Variants in SLC22A23 observed in about 807,000 individuals in gnomAD.
SLC22A23 encodes the protein ion transporter protein.
SLC22A23 carries 26 observed loss-of-function variants against 61.0 expected under a neutral mutation model. That is an observed-to-expected ratio of 0.43 (90% confidence interval 0.31 to 0.59). The LOEUF (loss-of-function observed/expected upper bound fraction) is 0.59, where lower values mean the gene tolerates loss of function less well. Among genes scored for constraint, SLC22A23 ranks in the 20% least tolerant of loss-of-function variants. SLC22A23 has a pLI of 0.11. For missense variants in SLC22A23, 796 were observed against 934.7 expected (o/e 0.85, Z 1.94); for synonymous variants, 430 against 413.9 (o/e 1.04, Z -0.47).
intron 1 of SLC22A23, among the ~76,000 whole-genome samples, chr6:3,429,961 G>A (rs149836719): frequency 6.6e-6 from 1 of 152,306 alleles, no homozygotes; most frequent in East Asian, 1.9e-4. Flanking sequence ...AAAAATATCT[G>A]GAGATGGATG....
intron 4 of SLC22A23, among the ~76,000 whole-genome samples, chr6:3,316,863 G>A (rs533496366): frequency 6.6e-4 from 100 of 152,240 alleles, no homozygotes; most frequent in Admixed American, 1.2e-3. Context: ...ATCTTGAACT[G>A]CTGTGCTCAC....
intron 3 of SLC22A23, among the ~76,000 whole-genome samples, chr6:3,376,505 C>A (rs1430911279): frequency 1.3e-5 from 2 of 152,214 alleles, no homozygotes; most frequent in Middle Eastern, 3.4e-3. Context: ...GTCCTTCTGC[C>A]CAACTAAATA....
intron 3 of SLC22A23, among the ~76,000 whole-genome samples, chr6:3,377,081 C>A (rs148502607): frequency 5.6e-4 from 85 of 152,042 alleles, no homozygotes; most frequent in African/African-American, 1.8e-3. Flanking sequence ...CTGCAGCCTG[C>A]GGGACAAATT....
At chr6:3,276,395 C>T (rs1257810843) in intron 9 of SLC22A23, among the ~76,000 whole-genome samples, 6 of 152,132 alleles carry the variant, frequency 3.9e-5, no homozygotes, top group East Asian at 1.9e-4. Context: ...CCTGGGTCTG[C>T]GCTCCTCCCT....
At position 3,309,040 on chromosome 6, in the gene SLC22A23, C is replaced by A. The variant is rs1430783486; in HGVS notation, c.1083-10822G>T. On this transcript the variant is annotated intron_variant, in intron 4 of 9. Coordinates refer to ENST00000406686, the MANE Select transcript of SLC22A23 (RefSeq NM_015482.2). The surrounding 1 kb of genome is among the most constrained non-coding windows in gnomAD (Gnocchi z 4.7). ...TGGCTTCAATTAATCTTAAAAAGAGCCGAGGGCTGGGCGCTTTGGGAGGCT... is the reference window on the plus strand; with the variant it reads ...TGGCTTCAATTAATCTTAAAAAGAGACGAGGGCTGGGCGCTTTGGGAGGCT... 3.3e-5 allele frequency among the ~76,000 whole-genome samples: 5 copies of A among 151,878 alleles called. No homozygotes were observed. The highest frequency in any genetic ancestry group is 1.2e-4 in the African/African-American group (5 of 41,436).
At chr6:3,306,501 A>G (rs969021118) in intron 4 of SLC22A23, among the ~76,000 whole-genome samples, 2 of 152,242 alleles carry the variant, frequency 1.3e-5, no homozygotes, top group South Asian at 4.1e-4. Context: ...GGGAAAACTC[A>G]GGCAAAGAAC....
At chr6:3,444,697 G>A (rs1263442177) in intron 1 of SLC22A23, 4 of 709,470 alleles carry the variant, frequency 5.6e-6, no homozygotes, top group African/African-American at 3.9e-5. Context: ...TCTGAGCCCT[G>A]TGGCCCGGTG....
chr6:3,323,068 C>A (rs1324740932), intron 4 of SLC22A23, among the ~76,000 whole-genome samples: 4 of 147,480 alleles, frequency 2.7e-5, no homozygotes, highest in African/African-American at 5.0e-5. Flanking sequence ...TTTTAAAAAA[C>A]CCAGTTGCCC....
At chr6:3,375,298 G>T (rs1420763610) in intron 3 of SLC22A23, among the ~76,000 whole-genome samples, 2 of 152,154 alleles carry the variant, frequency 1.3e-5, no homozygotes, top group African/African-American at 4.8e-5. Flanking sequence ...ACCACCTCCT[G>T]TCAAATTATT....
At chr6:3,301,384 G>T (rs890847694) in intron 4 of SLC22A23, among the ~76,000 whole-genome samples, 4 of 152,120 alleles carry the variant, frequency 2.6e-5, no homozygotes, top group Admixed American at 2.6e-4. Flanking sequence ...ATTTCTATGA[G>T]AATTTTTGCT....
At chr6:3,351,732 T>C (rs934037675) in intron 3 of SLC22A23, among the ~76,000 whole-genome samples, 12 of 152,194 alleles carry the variant, frequency 7.9e-5, no homozygotes, top group South Asian at 2.1e-4. Flanking sequence ...GTGGGCCCTA[T>C]GGAGCCATAT....
Position 3,365,921 on chromosome 6 carries a change from T to G in SLC22A23, c.914-41919A>C, listed in dbSNP as rs984173772. 2.6e-5 allele frequency among the ~76,000 whole-genome samples: 4 copies of G among 152,234 alleles called. No homozygotes were observed. In the South Asian group the frequency reaches 8.3e-4, roughly 31 times the overall value. ...TGTTAGTTTCTTGTCTGTTCTTCAC[T>G]TAATTTCTCTCTGGCTCCTTTAATT... On this transcript the variant is annotated intron_variant, in intron 3 of 9. Transcript: ENST00000406686.
rs910419490 is a variant in SLC22A23 at position 3,329,532 on chromosome 6, G to A, written c.914-5530C>T. ...CAGAATTGTGCCCGCGGAACAAAGC[G>A]TGCCATGCAGGGTATGGGATGAGGC... is the stretch of plus-strand genomic sequence containing the variant. On this transcript the variant is annotated intron_variant, in intron 3 of 9. Coordinates refer to ENST00000406686, the MANE Select transcript of SLC22A23 (RefSeq NM_015482.2). This position sits in a 1 kb window ranked among gnomAD's most constrained non-coding sequence, Gnocchi z 4.8. 3.3e-5 allele frequency among the ~76,000 whole-genome samples: 5 copies of A among 152,198 alleles called. No homozygotes were observed. Among genetic ancestry groups the A allele is most frequent in the Admixed American group, 2.6e-4 (4 of 15,278 alleles).
rs143389042 is a variant in SLC22A23 at position 3,440,254 on chromosome 6, G to A, written c.654+15652C>T. On this transcript the variant is annotated intron_variant, in intron 1 of 9. Coordinates refer to ENST00000406686, the MANE Select transcript of SLC22A23 (RefSeq NM_015482.2). ...GTCCATGCTGGAGCTCTGCTGTCAT[G>A]AGCTGTACTGTCCCCTCAAAGCTCC... is the stretch of plus-strand genomic sequence containing the variant. 2.1e-3 allele frequency among the ~76,000 whole-genome samples: 327 copies of A among 152,300 alleles called. 2 individuals carry two copies. The highest frequency in any genetic ancestry group is 7.6e-3 in the African/African-American group (316 of 41,554).
intron 3 of SLC22A23, among the ~76,000 whole-genome samples, chr6:3,385,956 C>T (rs763189437): frequency 6.6e-6 from 1 of 152,176 alleles, no homozygotes; most frequent in African/African-American, 2.4e-5. Context: ...CACAGAATAG[C>T]CTATTAGGCT....
In SLC22A23 at chr6:3,325,305, C is replaced by T. The variant is rs986392270; in HGVS notation, c.914-1303G>A. ...TAAGGGAAGCAGACTAGAGAGAGTA[C>T]AGATGAATTATGCTTGGCTACAAGG... On this transcript the variant is annotated intron_variant, in intron 3 of 9. Coordinates refer to ENST00000406686, the MANE Select transcript of SLC22A23 (RefSeq NM_015482.2). Among the ~76,000 whole-genome samples the T allele has an allele frequency of 2.0e-5, 3 of 152,086 alleles. No homozygotes were observed. In the East Asian group the frequency reaches 5.8e-4, roughly 29 times the overall value.
chr6:3,340,260 T>A (rs1399946565), intron 3 of SLC22A23, among the ~76,000 whole-genome samples: 1 of 152,162 alleles, frequency 6.6e-6, no homozygotes, highest in Non-Finnish European at 1.5e-5. Context: ...CTCTTATGAA[T>A]GGCAAGAGGT....
intron 3 of SLC22A23, among the ~76,000 whole-genome samples, chr6:3,400,170 G>GC (rs993308921): frequency 1.1e-4 from 17 of 152,156 alleles, no homozygotes; most frequent in Non-Finnish European, 1.9e-4. Flanking sequence ...GAGCCACCGC[G>GC]CCCCGCCCAT....
chr6:3,338,354 G>C (rs1763971048), intron 3 of SLC22A23, among the ~76,000 whole-genome samples: 1 of 152,192 alleles, frequency 6.6e-6, no homozygotes, highest in Non-Finnish European at 1.5e-5. Flanking sequence ...TTTTGAGACG[G>C]AGTCTCACTC....
Sources: gnomAD v4.1 joint callset for allele counts (sites outside exome capture counted in the v4.1 genomes callset) on GRCh38, gnomAD v4.1.1 for gene constraint, Gnocchi (gnomAD v3.1) non-coding constraint, MANE v1.5 for transcripts, NCBI Gene and HGNC (gene_info 2026-07-23, HGNC 2026-07-21) for gene names.